Variants in CSMD1 observed in about 807,000 individuals in gnomAD.
CSMD1 encodes the protein CUB and sushi domain-containing protein 1.
A neutral mutation model predicts 417.5 loss-of-function variants in CSMD1; 213 were observed. That is an observed-to-expected ratio of 0.51 (90% CI 0.46 to 0.57). The LOEUF (loss-of-function observed/expected upper bound fraction) is 0.57, where lower values mean the gene tolerates loss of function less well. Among genes scored for constraint, CSMD1 ranks in the 20% least tolerant of loss-of-function variants. CSMD1 has a pLI of 0.00. For synonymous variants in CSMD1, 2,862 were observed against 1,736.8 expected, an observed-to-expected ratio of 1.65 and a Z score of -16.11; for missense variants, 6,923 against 4,529.7, an observed-to-expected ratio of 1.53 and a Z score of -15.17.
At chr8:4,635,168 C>G (rs1463878609) in intron 2 of CSMD1, among the ~76,000 whole-genome samples, 1 of 152,084 alleles carries the variant, frequency 6.6e-6, no homozygotes, top group Non-Finnish European at 1.5e-5. Flanking sequence ...ATCAACCTCC[C>G]TTGCTTCCTG....
intron 5 of CSMD1, among the ~76,000 whole-genome samples, chr8:3,922,674 C>G (rs151040021): frequency 1.3e-5 from 2 of 152,054 alleles, no homozygotes; most frequent in Non-Finnish European, 2.9e-5. Flanking sequence ...TTGTGCTTTT[C>G]ATCCAAATCT....
intron 1 of CSMD1, among the ~76,000 whole-genome samples, chr8:4,932,567 G>A (rs1807317774): frequency 6.6e-6 from 1 of 152,180 alleles, no homozygotes; most frequent in Non-Finnish European, 1.5e-5. Context: ...GTGTGCTCTT[G>A]TCTTAGAAAT....
chr8:3,833,771 T>C (rs1386364542), intron 5 of CSMD1, among the ~76,000 whole-genome samples: 2 of 152,268 alleles, frequency 1.3e-5, no homozygotes, highest in African/African-American at 4.8e-5. Flanking sequence ...CCTGGTTCTC[T>C]TCTCTTGGTA....
chr8:3,621,197 G>C (rs550036911), intron 7 of CSMD1, among the ~76,000 whole-genome samples: 90 of 152,144 alleles, frequency 5.9e-4, no homozygotes, highest in Non-Finnish European at 1.0e-3. Context: ...TGTTGTTTAA[G>C]CCACTCGGCG....
chr8:4,163,203 A>G (rs1295097527), intron 3 of CSMD1, among the ~76,000 whole-genome samples: 1 of 152,210 alleles, frequency 6.6e-6, no homozygotes, highest in East Asian at 1.9e-4. Context: ...ATCCCTTGGC[A>G]GGTTTTTCAG....
intron 10 of CSMD1, among the ~76,000 whole-genome samples, chr8:3,498,533 G>A (rs763215041): frequency 1.3e-5 from 2 of 152,124 alleles, no homozygotes; most frequent in African/African-American, 4.8e-5. Context: ...GGATCTGAAT[G>A]CACATATTTC....
At chr8:4,159,834 C>G (rs1215090487) in intron 3 of CSMD1, among the ~76,000 whole-genome samples, 1 of 152,074 alleles carries the variant, frequency 6.6e-6, no homozygotes, top group Non-Finnish European at 1.5e-5. Flanking sequence ...TGAAGTAACT[C>G]TGGAATGGAA....
intron 1 of CSMD1, among the ~76,000 whole-genome samples, chr8:4,897,869 G>T (rs1009447952): frequency 2.6e-5 from 4 of 152,106 alleles, no homozygotes; most frequent in Non-Finnish European, 5.9e-5. Context: ...AGATTTTGTA[G>T]TCTCTACATT....
intron 5 of CSMD1, among the ~76,000 whole-genome samples, chr8:3,847,432 G>C (rs1237024474): frequency 6.6e-6 from 1 of 152,152 alleles, no homozygotes; most frequent in East Asian, 1.9e-4. Context: ...GCTGCGAGCA[G>C]TGGGCAGTTT....
rs36014460 is a variant in CSMD1, at chr8:4,490,794, T to C, written c.303-70729A>G. Among the ~76,000 whole-genome samples the C allele has an allele frequency of 3.1e-3, 473 of 152,312 alleles. 10 individuals are homozygous for C. Among genetic ancestry groups the C allele is most frequent in the Non-Finnish European group, 4.1e-3 (278 of 68,024 alleles). On this transcript the variant is annotated intron_variant, in intron 2 of 69. Coordinates refer to ENST00000635120, the MANE Select transcript of CSMD1 (RefSeq NM_033225.6). ...CACTAGGTCGGGCATATTAATTCAG[T>C]TCTAGGTGTTTCTGTTTTCTCACAA...
chr8:4,350,433 C>A (rs1481890951), intron 3 of CSMD1, among the ~76,000 whole-genome samples: 1 of 152,166 alleles, frequency 6.6e-6, no homozygotes, highest in Non-Finnish European at 1.5e-5. Context: ...TCTCATCAAC[C>A]AACCTTGATT....
In CSMD1 at chr8:3,385,041, T is replaced by C. The variant is rs1563333517; in HGVS notation, c.2782+2453A>G. ...TAATATATAAATATAATATATATAATATATAAATATATAATATATAATATA... is the reference window on the plus strand; with the variant it reads ...TAATATATAAATATAATATATATAACATATAAATATATAATATATAATATA... On this transcript the variant is annotated intron_variant, in intron 18 of 69. Coordinates refer to ENST00000635120, the MANE Select transcript of CSMD1 (RefSeq NM_033225.6). Among the ~76,000 whole-genome samples, 4 of 116,702 alleles carry C rather than the reference T, an allele frequency of 3.4e-5. No individual in the cohort carries two copies. In the Admixed American group the frequency reaches 4.5e-4, roughly 13 times the overall value. 76.6% of individuals were successfully genotyped at this position (116,702 alleles called of 152,430 possible).
intron 5 of CSMD1, among the ~76,000 whole-genome samples, chr8:3,854,967 A>T (rs776001540): frequency 6.6e-6 from 1 of 152,194 alleles, no homozygotes; most frequent in Non-Finnish European, 1.5e-5. Flanking sequence ...CATAGCATAC[A>T]TACACACAAA....
intron 5 of CSMD1, among the ~76,000 whole-genome samples, chr8:3,780,096 C>A (rs1306307386): frequency 6.6e-6 from 1 of 152,188 alleles, no homozygotes; most frequent in Non-Finnish European, 1.5e-5. Context: ...CTGTACCAGT[C>A]GGTGTTGCAT....
At chr8:3,021,131 C>T (rs1011045352) in intron 51 of CSMD1, among the ~76,000 whole-genome samples, 3 of 152,160 alleles carry the variant, frequency 2.0e-5, no homozygotes, top group Non-Finnish European at 2.9e-5. Context: ...AGCGCACCTT[C>T]GCCTTCAATG....
intron 6 of CSMD1, among the ~76,000 whole-genome samples, chr8:3,739,303 C>G (rs1214955832): frequency 6.6e-6 from 1 of 152,180 alleles, no homozygotes; most frequent in African/African-American, 2.4e-5. Flanking sequence ...TACAAAATTA[C>G]AGCTAGACAG....
chr8:4,266,348 C>G lies in CSMD1; in HGVS notation c.415+153605G>C, dbSNP rs1804224913. ...ACAGTTGATTTTGGAGAAAAACAAA[C>G]ACAACTTTTTAATATTTTCAAGAAT... On this transcript the variant is annotated intron_variant, in intron 3 of 69. Coordinates refer to ENST00000635120, the MANE Select transcript of CSMD1 (RefSeq NM_033225.6). Among the ~76,000 whole-genome samples the G allele has an allele frequency of 1.9e-5, 2 of 105,010 alleles. 1 individual carries two copies. The highest frequency in any genetic ancestry group is 5.1e-5 in the Non-Finnish European group (2 of 39,064). 68.9% of individuals were successfully genotyped at this position (105,010 alleles called of 152,430 possible).
At chr8:4,609,576 A>T (rs778025501) in intron 2 of CSMD1, among the ~76,000 whole-genome samples, 1 of 152,182 alleles carries the variant, frequency 6.6e-6, no homozygotes, top group Non-Finnish European at 1.5e-5. Context: ...GAGCAGAATA[A>T]ACAGCCACTG....
At chr8:4,337,536 T>A (rs184425809) in intron 3 of CSMD1, among the ~76,000 whole-genome samples, 1 of 152,276 alleles carries the variant, frequency 6.6e-6, no homozygotes, top group Non-Finnish European at 1.5e-5. Flanking sequence ...ACATTATTTT[T>A]AAAAATAAAC....
Sources: allele counts gnomAD v4.1 joint callset (sites outside exome capture counted in the v4.1 genomes callset), GRCh38; gene constraint gnomAD v4.1.1; transcripts MANE v1.5; gene names NCBI Gene and HGNC (gene_info 2026-07-23, HGNC 2026-07-21).